Variants in LIMCH1 observed in about 807,000 individuals in gnomAD.
LIMCH1 encodes the protein LIM and calponin homology domains 1, also known as LIM and calponin homology domains-containing protein 1.
Under a neutral mutation model 176.5 loss-of-function variants are expected in LIMCH1, and 113 were observed. The ratio of observed to expected loss-of-function variants is 0.64; its 90% CI spans 0.55 to 0.75. LIMCH1 has a LOEUF of 0.75. Among genes scored for constraint, LIMCH1 ranks in the 30% least tolerant of loss-of-function variants. The probability of loss-of-function intolerance (pLI) is 0.00; values close to 1 mark genes in which losing one functional copy is unlikely to be tolerated. For missense variants in LIMCH1, 1,674 were observed against 1,814.9 expected, an observed-to-expected ratio of 0.92 and a Z score of 1.41; for synonymous variants, 619 against 645.9, an observed-to-expected ratio of 0.96 and a Z score of 0.63.
intron 1 of LIMCH1, among the ~76,000 whole-genome samples, chr4:41,362,427 G>T (rs2052265389): frequency 6.6e-6 from 1 of 152,326 alleles, no homozygotes; most frequent in African/African-American, 2.4e-5. Context: ...GGATACACAG[G>T]AAGCATTTGT....
At chr4:41,490,586 G>A (rs1349193996) in intron 1 of LIMCH1, among the ~76,000 whole-genome samples, 4 of 152,154 alleles carry the variant, frequency 2.6e-5, no homozygotes, top group African/African-American at 9.7e-5. Context: ...CAGAGAGCAC[G>A]GGGTTGGGGG....
intron 8 of LIMCH1, among the ~76,000 whole-genome samples, chr4:41,628,462 G>A (rs948056463): frequency 6.7e-6 from 1 of 149,064 alleles, no homozygotes; most frequent in Non-Finnish European, 1.5e-5. Context: ...TCTTTGCCAT[G>A]CCCTTCCTTG....
intron 13 of LIMCH1, among the ~76,000 whole-genome samples, chr4:41,637,117 C>T (rs1468694438): frequency 1.3e-5 from 2 of 152,176 alleles, no homozygotes; most frequent in African/African-American, 2.4e-5. Flanking sequence ...TTCCAATAGG[C>T]CTATTTATTA....
intron 1 of LIMCH1, among the ~76,000 whole-genome samples, chr4:41,540,500 AG>A (rs2078487935): frequency 6.6e-6 from 1 of 152,198 alleles, no homozygotes; most frequent in South Asian, 2.1e-4. Flanking sequence ...GCACTTTGGG[AG>A]GCTGAGGCAG....
upstream of LIMCH1, among the ~76,000 whole-genome samples, chr4:41,535,481 C>T (rs910678354): frequency 2.0e-5 from 3 of 152,176 alleles, no homozygotes; most frequent in Admixed American, 6.5e-5. Context: ...TGCATCTTCA[C>T]GTGGTCTTTC....
intron 1 of LIMCH1, among the ~76,000 whole-genome samples, chr4:41,570,846 C>G (rs928372656): frequency 6.6e-6 from 1 of 151,980 alleles, no homozygotes; most frequent in African/African-American, 2.4e-5. Flanking sequence ...AGGAAGAGGA[C>G]TGAGAAAAAG....
At chr4:41,562,823 G>A (rs909854968) in intron 1 of LIMCH1, among the ~76,000 whole-genome samples, 3 of 152,050 alleles carry the variant, frequency 2.0e-5, no homozygotes, top group Admixed American at 2.0e-4. Context: ...GCTCTTTCTG[G>A]GTCATGGGGG....
intron 1 of LIMCH1, among the ~76,000 whole-genome samples, chr4:41,562,301 CT>C (rs1357886486): frequency 1.3e-5 from 2 of 152,148 alleles, no homozygotes; most frequent in African/African-American, 4.8e-5. Context: ...GTTTTCCTTA[CT>C]TTCCCCTTTC....
intron 4 of LIMCH1, among the ~76,000 whole-genome samples, chr4:41,611,426 C>G (rs2091398938): frequency 6.6e-6 from 1 of 152,206 alleles, no homozygotes; most frequent in Non-Finnish European, 1.5e-5. Flanking sequence ...AGCTGAGGAT[C>G]ATAATCCAGG....
At chr4:41,554,599 C>T (rs1311118234) in intron 1 of LIMCH1, among the ~76,000 whole-genome samples, 1 of 152,116 alleles carries the variant, frequency 6.6e-6, no homozygotes, top group Non-Finnish European at 1.5e-5. Context: ...GCTGAGATGG[C>T]ATTAGCTTAC....
intron 1 of LIMCH1, among the ~76,000 whole-genome samples, chr4:41,379,537 A>G (rs2055314733): frequency 6.6e-6 from 1 of 152,204 alleles, no homozygotes; most frequent in African/African-American, 2.4e-5. Flanking sequence ...GAGGAGAGGA[A>G]TTAGACTCCA....
At chr4:41,605,070 G>A (rs2090513016) in intron 3 of LIMCH1, among the ~76,000 whole-genome samples, 1 of 152,140 alleles carries the variant, frequency 6.6e-6, no homozygotes, top group Non-Finnish European at 1.5e-5. Flanking sequence ...CAGTGTGAAG[G>A]AGCTCATCTT....
At chr4:41,682,213 C>A in intron 25 of LIMCH1, 120 bp from the exon 26 acceptor site, 1 of 656,228 alleles carries the variant, frequency 1.5e-6, no homozygotes, top group Non-Finnish European at 2.4e-6. Context: ...ATTTGGACAA[C>A]TGTTCTTTAA....
intron 1 of LIMCH1, among the ~76,000 whole-genome samples, chr4:41,388,145 T>A (rs553353322): frequency 6.6e-6 from 1 of 152,200 alleles, no homozygotes; most frequent in Non-Finnish European, 1.5e-5. Context: ...GCAATTCTAC[T>A]TTTAGGTAGC....
Position 41,620,678 on chromosome 4 carries a change from A to G in LIMCH1, c.713A>G (p.Gln238Arg), listed in dbSNP as rs749735796. Residue 238 changes from glutamine (Q) to arginine (R), a missense_variant, in exon 7 of 32, where the codon CAG becomes CGG. Coordinates refer to ENST00000503057, the MANE Select transcript of LIMCH1 (RefSeq NM_001330672.2). ...QAGIKVMPAA[Q>R]RFASQKQLSE... Reference sequence around the variant, plus strand: ...GGAATCAAGGTCATGCCAGCAGCACAGCGCTTTGCCAGGTCAGCTCTGGGC... The same window carrying G: ...GGAATCAAGGTCATGCCAGCAGCACGGCGCTTTGCCAGGTCAGCTCTGGGC... The G allele has an allele frequency of 6.5e-7, 1 of 1,534,856 alleles. No homozygotes were observed. Among genetic ancestry groups the G allele is most frequent in the South Asian group, 1.2e-5 (1 of 83,926 alleles).
intron 1 of LIMCH1, among the ~76,000 whole-genome samples, chr4:41,574,932 AG>A (rs757985433): frequency 2.0e-5 from 3 of 152,156 alleles, no homozygotes; most frequent in Non-Finnish European, 4.4e-5. Context: ...TTCATCTTGG[AG>A]GGCTGTTGTG....
At chr4:41,530,794 T>TA (rs386399906) in intron 3 of LIMCH1, among the ~76,000 whole-genome samples, 1,185 of 29,842 alleles carry the variant, frequency 0.04, 12 homozygotes, top group East Asian at 0.049. Context: ...AAACCCCGCC[T>TA]AAAAAAAAAA....
At chr4:41,543,628 A>G (rs531651908) in intron 1 of LIMCH1, among the ~76,000 whole-genome samples, 1 of 152,310 alleles carries the variant, frequency 6.6e-6, no homozygotes, top group African/African-American at 2.4e-5. Flanking sequence ...TTAATTGACA[A>G]CATGTTGTTA....
intron 1 of LIMCH1, among the ~76,000 whole-genome samples, chr4:41,447,065 C>T (rs2063356742): frequency 6.6e-6 from 1 of 152,082 alleles, no homozygotes; most frequent in African/African-American, 2.4e-5. Context: ...CCTGTCTCTA[C>T]TAAAAATATA....
Sources: gnomAD v4.1 joint callset for allele counts (sites outside exome capture counted in the v4.1 genomes callset) on GRCh38, gnomAD v4.1.1 for gene constraint, MANE v1.5 for transcripts, NCBI Gene and HGNC (gene_info 2026-07-23, HGNC 2026-07-21) for gene names.